Variants in PTPRB observed in about 807,000 individuals in gnomAD.
The protein encoded by PTPRB is protein tyrosine phosphatase receptor type B.
PTPRB carries 97 observed loss-of-function variants against 238.1 expected under a neutral mutation model. That is an observed-to-expected ratio of 0.41 (90% CI 0.35 to 0.48). PTPRB has a LOEUF of 0.48. PTPRB is among the 20% of genes least tolerant of loss of function. The pLI is 0.30. For missense variants in PTPRB, 2,292 were observed against 2,681.9 expected (o/e 0.85, Z 3.21); for synonymous variants, 970 against 995.4 (o/e 0.97, Z 0.48).
chr12:70,600,678 T>C (rs1008994256), intron 4 of PTPRB, among the ~76,000 whole-genome samples: 2 of 152,180 alleles, frequency 1.3e-5, no homozygotes, highest in African/African-American at 2.4e-5. Flanking sequence ...TTGGATTACT[T>C]TGAAAGCCTT....
chr12:70,626,345 AT>A (rs1566023250), intron 2 of PTPRB, among the ~76,000 whole-genome samples: 1 of 146,702 alleles, frequency 6.8e-6, no homozygotes, highest in Non-Finnish European at 1.5e-5. Context: ...CTATCTATCT[AT>A]CTATCTATCT....
intron 2 of PTPRB, among the ~76,000 whole-genome samples, chr12:70,626,792 T>C (rs2717423): frequency 0.19 from 29,179 of 151,772 alleles, 3,444 homozygotes; most frequent in East Asian, 0.38. Flanking sequence ...CGTGTGTGTG[T>C]GTGCATTAAA....
chr12:70,534,280 G>T (rs891812882), intron 31 of PTPRB, among the ~76,000 whole-genome samples: 3 of 152,130 alleles, frequency 2.0e-5, no homozygotes, highest in Non-Finnish European at 4.4e-5. Flanking sequence ...AGAGGCTACA[G>T]GGGAAGAAAG....
intron 3 of PTPRB, chr12:70,609,828 T>G (rs1339195560): frequency 6.3e-7 from 1 of 1,575,852 alleles, no homozygotes; most frequent in East Asian, 2.4e-5. Flanking sequence ...GCTCAGTAGT[T>G]AAGATCCAGA....
At chr12:70,611,698 G>T (rs746382712) in intron 3 of PTPRB, among the ~76,000 whole-genome samples, 8 of 152,150 alleles carry the variant, frequency 5.3e-5, no homozygotes, top group Non-Finnish European at 1.0e-4. Flanking sequence ...TTAATCTACA[G>T]CCAGACCAGA....
chr12:70,565,584 G>A (rs1211912870), intron 15 of PTPRB, among the ~76,000 whole-genome samples: 3 of 152,146 alleles, frequency 2.0e-5, no homozygotes, highest in African/African-American at 7.2e-5. Context: ...ACAATGCATT[G>A]CCATTATTTG....
intron 4 of PTPRB, among the ~76,000 whole-genome samples, chr12:70,603,592 C>T (rs186188778): frequency 3.7e-4 from 56 of 152,272 alleles, no homozygotes; most frequent in African/African-American, 1.3e-3. Flanking sequence ...TGTGTGAATT[C>T]GTAAACATTG....
intron 9 of PTPRB, among the ~76,000 whole-genome samples, chr12:70,582,768 A>G (rs901263524): frequency 6.6e-6 from 1 of 152,152 alleles, no homozygotes; most frequent in Non-Finnish European, 1.5e-5. Context: ...ATGACACCAC[A>G]GCATGATTTA....
chr12:70,592,678 A>T, intron 6 of PTPRB, 133 bp from the exon 7 acceptor site: 1 of 912,932 alleles, frequency 1.1e-6, no homozygotes, highest in Non-Finnish European at 1.6e-6. Context: ...TTCAAGAGGC[A>T]AATATTATCC....
intron 4 of PTPRB, among the ~76,000 whole-genome samples, chr12:70,597,031 C>T (rs992441987): frequency 1.1e-4 from 17 of 152,026 alleles, no homozygotes; most frequent in African/African-American, 3.9e-4. Flanking sequence ...AATTCTTCTG[C>T]CTCAGTTTCC....
At chr12:70,624,082 T>C (rs762982153) in intron 2 of PTPRB, among the ~76,000 whole-genome samples, 5 of 152,196 alleles carry the variant, frequency 3.3e-5, no homozygotes, top group Admixed American at 6.5e-5. Context: ...TTGTGCAAAG[T>C]ACCCTGAACA....
In PTPRB at chr12:70,540,848, T is replaced by A; in HGVS notation, c.5594+10A>T. ...GTGGGTCCAATCACCAAAAGGATCT[T>A]TGTACTTACCTCACTTTCTGTCTGC... On this transcript the variant is annotated intron_variant, in intron 23 of 33. Coordinates refer to ENST00000334414, the MANE Select transcript of PTPRB (RefSeq NM_001109754.4). The A allele has an allele frequency of 6.3e-7, 1 of 1,585,108 alleles. No homozygotes were observed. Among genetic ancestry groups the A allele is most frequent in the Non-Finnish European group, 8.6e-7 (1 of 1,163,952 alleles).
chr12:70,616,052 C>T (rs1400842830), intron 3 of PTPRB, among the ~76,000 whole-genome samples: 2 of 152,026 alleles, frequency 1.3e-5, no homozygotes, highest in Admixed American at 6.6e-5. Context: ...TAGATCCAGC[C>T]CCAAGGATCC....
At chr12:70,527,320 T>C (rs1336198403) in intron 32 of PTPRB, among the ~76,000 whole-genome samples, 1 of 151,948 alleles carries the variant, frequency 6.6e-6, no homozygotes, top group Non-Finnish European at 1.5e-5. Context: ...AGAGAAAAGG[T>C]GATATTTATA....
In PTPRB at chr12:70,594,562, G is replaced by A. The variant is rs1286742028; in HGVS notation, c.1421C>T (p.Ala474Val). Reference protein sequence around the residue: ...GVVDKHATSYAFHGLTPGYLY... With the variant: ...GVVDKHATSYVFHGLTPGYLY... ...GTAGCCAGGGGTCAGCCCGTGAAAA[G>A]CATAGGAAGTAGCATGTTTGTCCAC... Residue 474 changes from alanine (A) to valine (V), a missense_variant, in exon 6 of 34, where the codon GCT (alanine) becomes GTT (valine). Around this residue, in one of 4 missense-constraint regions of PTPRB, gnomAD observed 1,205 missense variants for 1,287.8 expected, o/e 0.94. Transcript: ENST00000334414. The A allele has an allele frequency of 6.2e-7, 1 of 1,613,864 alleles. No homozygotes were observed. The highest frequency in any genetic ancestry group is 1.3e-5 in the African/African-American group (1 of 74,920).
chr12:70,587,331 T>G (rs1032603999), intron 8 of PTPRB, 64 bp from the exon 9 acceptor site: 97 of 1,530,430 alleles, frequency 6.3e-5, no homozygotes, highest in Non-Finnish European at 8.2e-5. Flanking sequence ...GGTATACTTT[T>G]GATAGTTCTC....
intron 3 of PTPRB, among the ~76,000 whole-genome samples, chr12:70,616,709 C>T (rs1239930344): frequency 1.3e-5 from 2 of 152,210 alleles, no homozygotes; most frequent in African/African-American, 4.8e-5. Context: ...TTTCCCATTG[C>T]CATTCTCTCT....
chr12:70,622,265 G>A (rs528761960), intron 3 of PTPRB, 125 bp downstream of exon 3: 2 of 1,358,828 alleles, frequency 1.5e-6, no homozygotes, highest in East Asian at 2.3e-5. Flanking sequence ...TAGCAGCCAG[G>A]ACACAGGGTG....
Position 70,524,558 on chromosome 12 carries a change from C to G in PTPRB, c.6538G>C (p.Asp2180His), listed in dbSNP as rs912775094. Residue 2180 changes from aspartate (D) to histidine (H), a missense_variant, in exon 33 of 34, where the codon GAT (aspartate) becomes CAT (histidine). By Grantham distance (81) the Asp-to-His change is moderately conservative (BLOSUM62 -1). This residue lies in a region of PTPRB where 397 missense variants were observed against 502.0 expected (regional missense o/e 0.79). Coordinates refer to ENST00000334414, the MANE Select transcript of PTPRB (RefSeq NM_001109754.4). Reference sequence around the variant, plus strand: ...CGTAGCTTTCTTGCTCTGAGGACATCTCTTACACACTGATGTAGGTAGACA... The same window carrying G: ...CGTAGCTTTCTTGCTCTGAGGACATGTCTTACACACTGATGTAGGTAGACA... The part of the protein sequence containing the change: ...QYVYLHQCVR[D>H]VLRARKLRSE... The G allele has an allele frequency of 6.2e-7, 1 of 1,612,730 alleles. No homozygotes were observed. Among genetic ancestry groups the G allele is most frequent in the African/African-American group, 1.3e-5 (1 of 74,868 alleles).
Sources: gnomAD v4.1 joint callset for allele counts (sites outside exome capture counted in the v4.1 genomes callset) on GRCh38, gnomAD v4.1.1 for gene constraint, gnomAD v4.1.1 regional missense constraint, MANE v1.5 for transcripts, NCBI Gene and HGNC (gene_info 2026-07-23, HGNC 2026-07-21) for gene names.